Variants in SAMTOR observed in about 807,000 individuals in gnomAD.
SAMTOR encodes the protein S-adenosylmethionine sensor upstream of mTORC1.
the SAMTOR span, among the ~76,000 whole-genome samples, chr7:112,928,097 A>G: frequency 6.6e-6 from 1 of 152,062 alleles, no homozygotes; most frequent in Non-Finnish European, 1.5e-5. Context: ...TCCATTTTTA[A>G]TAACTTTGTG....
chr7:112,836,263 CT>C, the SAMTOR span, among the ~76,000 whole-genome samples: 1 of 151,948 alleles, frequency 6.6e-6, no homozygotes, highest in East Asian at 1.9e-4. Context: ...TTTTCATATG[CT>C]TGTTGGACAC....
the SAMTOR span, among the ~76,000 whole-genome samples, chr7:112,900,912 G>A: frequency 6.6e-6 from 1 of 152,116 alleles, no homozygotes; most frequent in Non-Finnish European, 1.5e-5. Context: ...CATCATAAAT[G>A]CAAAATGCAA....
the SAMTOR span, among the ~76,000 whole-genome samples, chr7:112,870,910 A>G: frequency 2.0e-5 from 3 of 152,174 alleles, no homozygotes; most frequent in Non-Finnish European, 4.4e-5. Context: ...ACACAATTTA[A>G]ACCAATAGTA....
chr7:112,828,528 C>T, the SAMTOR span, among the ~76,000 whole-genome samples: 1 of 152,136 alleles, frequency 6.6e-6, no homozygotes, highest in Non-Finnish European at 1.5e-5. Flanking sequence ...ACTGTAATCA[C>T]CCCTGTTTAA....
the SAMTOR span, among the ~76,000 whole-genome samples, chr7:112,935,864 T>C: frequency 6.6e-6 from 1 of 152,080 alleles, no homozygotes; most frequent in Non-Finnish European, 1.5e-5. Flanking sequence ...ATTACAGGAA[T>C]GGGTTCATGT....
At chr7:112,868,618 G>C in the SAMTOR span, among the ~76,000 whole-genome samples, 1 of 152,174 alleles carries the variant, frequency 6.6e-6, no homozygotes, top group African/African-American at 2.4e-5. Flanking sequence ...ACTGAGAGGA[G>C]GACACCATTT....
chr7:112,907,980 C>G, the SAMTOR span, among the ~76,000 whole-genome samples: 5 of 151,974 alleles, frequency 3.3e-5, no homozygotes, highest in African/African-American at 1.2e-4. Context: ...AATTCCACAC[C>G]TAGGAATCTA....
At chr7:112,819,650 C>G in the SAMTOR span, 1 of 152,506 alleles carries the variant, frequency 6.6e-6, no homozygotes, top group Non-Finnish European at 1.5e-5. Context: ...TATAAAGAGA[C>G]TTCCTCAGAG....
At chr7:112,916,731 C>G in the SAMTOR span, among the ~76,000 whole-genome samples, 3 of 152,192 alleles carry the variant, frequency 2.0e-5, no homozygotes, top group African/African-American at 7.2e-5. Flanking sequence ...AATCGGGTCA[C>G]TCCCACCCTA....
chr7:112,868,136 G>C, the SAMTOR span, among the ~76,000 whole-genome samples: 2 of 152,160 alleles, frequency 1.3e-5, no homozygotes, highest in Admixed American at 1.3e-4. Flanking sequence ...GGTGCCAAAA[G>C]GGTTGGGGAC....
At chr7:112,910,779 T>C in the SAMTOR span, among the ~76,000 whole-genome samples, 3 of 151,938 alleles carry the variant, frequency 2.0e-5, no homozygotes, top group Non-Finnish European at 4.4e-5. Flanking sequence ...ATAAATGAGA[T>C]TGAGGAAATA....
At chr7:112,844,362 T>G in the SAMTOR span, among the ~76,000 whole-genome samples, 1 of 152,126 alleles carries the variant, frequency 6.6e-6, no homozygotes, top group Non-Finnish European at 1.5e-5. Context: ...GACATGATGA[T>G]CCTGTATTTA....
At chr7:112,866,173 T>G in the SAMTOR span, among the ~76,000 whole-genome samples, 3 of 152,138 alleles carry the variant, frequency 2.0e-5, no homozygotes, top group African/African-American at 7.2e-5. Context: ...AATAAAATGC[T>G]TTATGAATTA....
the SAMTOR span, among the ~76,000 whole-genome samples, chr7:112,828,557 G>C: frequency 6.6e-6 from 1 of 152,142 alleles, no homozygotes; most frequent in Admixed American, 6.5e-5. Flanking sequence ...CCTCTGTAAA[G>C]CTCCTATCTT....
the SAMTOR span, among the ~76,000 whole-genome samples, chr7:112,905,783 AAT>A: frequency 1.3e-4 from 19 of 151,842 alleles, no homozygotes; most frequent in African/African-American, 3.4e-4. Context: ...TAATATTAGA[AAT>A]ATATATATAT....
the SAMTOR span, among the ~76,000 whole-genome samples, chr7:112,856,846 CA>C: frequency 7.6e-4 from 116 of 152,110 alleles, 1 homozygote; most frequent in Admixed American, 7.5e-3. Context: ...AAACAATATT[CA>C]AAACTATATA....
At chr7:112,912,194 A>G in the SAMTOR span, among the ~76,000 whole-genome samples, 21 of 152,124 alleles carry the variant, frequency 1.4e-4, no homozygotes, top group African/African-American at 4.8e-4. Flanking sequence ...ATGTGTGCTA[A>G]TAGATTTAGG....
chr7:112,827,758 G>A, the SAMTOR span, among the ~76,000 whole-genome samples: 4 of 152,152 alleles, frequency 2.6e-5, no homozygotes, highest in Non-Finnish European at 5.9e-5. Context: ...GTCTCCCTCT[G>A]TTGCCCAGGC....
At chr7:112,859,953 T>C in the SAMTOR span, among the ~76,000 whole-genome samples, 1 of 152,202 alleles carries the variant, frequency 6.6e-6, no homozygotes, top group Non-Finnish European at 1.5e-5. Context: ...AGTAATGTTA[T>C]AGGCCTTCAC....
Sources: allele counts gnomAD v4.1 joint callset (sites outside exome capture counted in the v4.1 genomes callset), GRCh38; gene constraint gnomAD v4.1.1; transcripts MANE v1.5; gene names NCBI Gene and HGNC (gene_info 2026-07-23, HGNC 2026-07-21).